Variants in CHIT1 observed in about 807,000 individuals in gnomAD.
The protein encoded by CHIT1 is chitotriosidase-1.
A neutral mutation model predicts 52.0 loss-of-function variants in CHIT1; 47 were observed. That is an observed-to-expected ratio of 0.90 (90% confidence interval 0.71 to 1.15). The LOEUF (loss-of-function observed/expected upper bound fraction) is 1.15, where lower values mean the gene tolerates loss of function less well. Among genes scored for constraint, CHIT1 ranks in the 50% most tolerant of loss-of-function variants. The probability of loss-of-function intolerance (pLI) is 0.00; values close to 1 mark genes in which losing one functional copy is unlikely to be tolerated. For missense variants in CHIT1, 569 were observed against 583.0 expected (o/e 0.98, Z 0.25); for synonymous variants, 242 against 228.2 (o/e 1.06, Z -0.54).
chr1:203,221,386 C>A (rs953235525), intron 7 of CHIT1, among the ~76,000 whole-genome samples: 2 of 152,068 alleles, frequency 1.3e-5, no homozygotes, highest in Non-Finnish European at 2.9e-5. Flanking sequence ...ATAATTCCAA[C>A]ACTTTGGGAG....
chr1:203,229,783 G>T, upstream of CHIT1: 1 of 913,254 alleles, frequency 1.1e-6, no homozygotes, highest in Non-Finnish European at 1.8e-6. Context: ...GTGGGGAGGG[G>T]TAAGATGTCA....
intron 7 of CHIT1, 43 bp downstream of exon 7, chr1:203,222,159 G>C: frequency 1.9e-6 from 3 of 1,612,346 alleles, no homozygotes; most frequent in Non-Finnish European, 2.5e-6. Flanking sequence ...AACAGGGCCT[G>C]CTGGACAGGG....
intron 9 of CHIT1, among the ~76,000 whole-genome samples, chr1:203,218,456 C>G (rs1057514579): frequency 6.6e-6 from 1 of 152,146 alleles, no homozygotes; most frequent in Non-Finnish European, 1.5e-5. Flanking sequence ...CCCCAGCCTC[C>G]CTTTCAGCTA....
chr1:203,223,656 T>C lies in CHIT1; in HGVS notation c.319A>G (p.Thr107Ala), dbSNP rs746693312. 1 of 1,614,142 alleles carries C rather than the reference T, an allele frequency of 6.2e-7. No homozygotes were observed. The highest frequency in any genetic ancestry group is 1.1e-5 in the South Asian group (1 of 91,084). The change falls in exon 5 of 11, where the codon ACA becomes GCA. Residue 107 changes from threonine (T) to alanine (A), a missense_variant. By Grantham distance (58) the Thr-to-Ala change is moderately conservative. Coordinates refer to ENST00000367229, the MANE Select transcript of CHIT1 (RefSeq NM_003465.3). Reference sequence around the variant, plus strand: ...TTGTTGGCCGTGGCTACCATATCTGTGAACCTGTGAGGTGATGAAGGGGAG... The same window carrying C: ...TTGTTGGCCGTGGCTACCATATCTGCGAACCTGTGAGGTGATGAAGGGGAG... ...GGWNFGTQKFTDMVATANNRQ... is the reference protein window; with the variant it reads ...GGWNFGTQKFADMVATANNRQ...
At chr1:203,223,948 C>T (rs954675366) in intron 4 of CHIT1, among the ~76,000 whole-genome samples, 1 of 152,170 alleles carries the variant, frequency 6.6e-6, no homozygotes, top group Non-Finnish European at 1.5e-5. Flanking sequence ...AGGCTTCCTC[C>T]AAGCCCTTGA....
chr1:203,220,988 ATTTC>A (rs1024713687), intron 7 of CHIT1, among the ~76,000 whole-genome samples: 4 of 152,140 alleles, frequency 2.6e-5, no homozygotes, highest in African/African-American at 9.7e-5. Context: ...TCTCAGCTAA[ATTTC>A]TTTCTGTGTC....
intron 8 of CHIT1, 132 bp downstream of exon 8, chr1:203,219,532 A>C: frequency 8.7e-7 from 1 of 1,155,324 alleles, no homozygotes; most frequent in Non-Finnish European, 1.3e-6. Context: ...GGCATGGATG[A>C]GATGGAATTT....
chr1:203,225,972 C>T, intron 2 of CHIT1, 102 bp from the exon 3 acceptor site: 1 of 1,250,780 alleles, frequency 8.0e-7, no homozygotes, highest in East Asian at 2.5e-5. Flanking sequence ...CCTCCCTCTT[C>T]TACACCTGGA....
At chr1:203,220,839 G>T (rs936562944) in intron 7 of CHIT1, among the ~76,000 whole-genome samples, 10 of 152,184 alleles carry the variant, frequency 6.6e-5, no homozygotes, top group Non-Finnish European at 1.2e-4. Flanking sequence ...TCACCCATCT[G>T]GTTAGAACCT....
chr1:203,216,751 G>A lies in CHIT1; in HGVS notation c.*138C>T. 2.6e-6 allele frequency: 3 copies of A among 1,166,536 alleles called. No individual in the cohort carries two copies. Among genetic ancestry groups the A allele is most frequent in the Non-Finnish European group, 3.8e-6 (3 of 788,184 alleles). 72.3% of individuals were successfully genotyped at this position (1,166,536 alleles called of 1,614,324 possible). A position where few individuals can be genotyped will look rare whatever the true frequency, so the allele number is the denominator to read the frequency against. ...AGAAAAAAGGAAGGCAAGGCTGAGAGCAGAAAGCCTGGATAAAGGAAGACC... is the reference window on the plus strand; with the variant it reads ...AGAAAAAAGGAAGGCAAGGCTGAGAACAGAAAGCCTGGATAAAGGAAGACC... On this transcript the variant is annotated 3_prime_UTR_variant, in exon 11 of 11. Transcript: ENST00000367229.
At chr1:203,221,926 C>T (rs893899198) in intron 7 of CHIT1, among the ~76,000 whole-genome samples, 20 of 152,106 alleles carry the variant, frequency 1.3e-4, no homozygotes, top group Admixed American at 2.6e-4. Flanking sequence ...GAGACTCAAG[C>T]TCAAAGTGGG....
rs768132814 is a variant in CHIT1 at position 203,223,565 on chromosome 1, A to C, written c.410T>G (p.Leu137Arg). 1.2e-6 allele frequency: 2 copies of C among 1,614,210 alleles called. No homozygotes were observed. Among genetic ancestry groups the C allele is most frequent in the Non-Finnish European group, 1.7e-6 (2 of 1,180,036 alleles). Residue 137 changes from leucine (L) to arginine (R), a missense_variant, in exon 5 of 11, where the codon CTT becomes CGT. Physicochemically the swap from Leu to Arg is moderately radical, Grantham distance 102. Coordinates refer to ENST00000367229, the MANE Select transcript of CHIT1 (RefSeq NM_003465.3). ...LRKYSFDGLD[L>R]DWEYPGSQGS... Reference sequence around the variant, plus strand: ...CTGGCTTCCTGGGTACTCCCAGTCAAGGTCAAGGCCGTCAAAGCTGTATTT... The same window carrying C: ...CTGGCTTCCTGGGTACTCCCAGTCACGGTCAAGGCCGTCAAAGCTGTATTT...
At position 203,225,857 on chromosome 1, in the gene CHIT1, T is replaced by A; in HGVS notation, c.69A>T (p.Lys23Asn). Reference protein sequence around the residue: ...LLMIPWGSAAKLVCYFTNWAQ... With the variant: ...LLMIPWGSAANLVCYFTNWAQ... ...CCCAGTTGGTGAAGTAGCAGACCAG[T>A]TTTGCAGCAGAGCCTGGCCCGTTGG... The change falls in exon 3 of 11, where the codon AAA becomes AAT. Residue 23 changes from lysine (K) to asparagine (N), a missense_variant. Transcript: ENST00000367229. 1 of 1,614,064 alleles carries A rather than the reference T, an allele frequency of 6.2e-7. No individual in the cohort carries two copies. The highest frequency in any genetic ancestry group is 1.1e-5 in the South Asian group (1 of 91,082).
intron 2 of CHIT1, among the ~76,000 whole-genome samples, chr1:203,227,004 G>T (rs996082257): frequency 2.0e-5 from 3 of 152,168 alleles, no homozygotes; most frequent in African/African-American, 7.2e-5. Context: ...GGACTGGAGC[G>T]TGCCTGTGGC....
chr1:203,222,738 C>T (rs2486067), intron 6 of CHIT1, among the ~76,000 whole-genome samples: 26,714 of 152,128 alleles, frequency 0.18, 3,074 homozygotes, highest in East Asian at 0.55. Flanking sequence ...GTCCATAATT[C>T]TAATGAGCAC....
rs768714545 is a variant in CHIT1 at position 203,222,343 on chromosome 1, G to C, written c.606-18C>G. Reference sequence around the variant, plus strand: ...CCAGGTTCCTGCAGGAGGCATGGAAGAGGAGGTGAGAAACAAGGGATTGGG... The same window carrying C: ...CCAGGTTCCTGCAGGAGGCATGGAACAGGAGGTGAGAAACAAGGGATTGGG... On this transcript the variant is annotated intron_variant, in intron 6 of 10. Coordinates refer to ENST00000367229, the MANE Select transcript of CHIT1 (RefSeq NM_003465.3). 6.2e-7 allele frequency: 1 copy of C among 1,614,178 alleles called. No homozygotes were observed. Among genetic ancestry groups the C allele is most frequent in the Non-Finnish European group, 8.5e-7 (1 of 1,180,016 alleles).
chr1:203,225,028 G>A lies in CHIT1; in HGVS notation c.314+20C>T, dbSNP rs1656872232. On this transcript the variant is annotated intron_variant, in intron 4 of 10. Coordinates refer to ENST00000367229, the MANE Select transcript of CHIT1 (RefSeq NM_003465.3). ...TCCCATCCAGGAGCTTTACCACACAGGTGACCACAGTCAACTAACTTCTGA... is the reference window on the plus strand; with the variant it reads ...TCCCATCCAGGAGCTTTACCACACAAGTGACCACAGTCAACTAACTTCTGA... 4 of 1,611,738 alleles carry A rather than the reference G, an allele frequency of 2.5e-6. No homozygotes were observed. The highest frequency in any genetic ancestry group is 1.7e-5 in the Admixed American group (1 of 59,994).
intron 7 of CHIT1, among the ~76,000 whole-genome samples, chr1:203,221,010 C>A (rs1405411832): frequency 6.6e-6 from 1 of 152,206 alleles, no homozygotes; most frequent in Non-Finnish European, 1.5e-5. Context: ...GTCTCCCCAC[C>A]AGCACAGGGA....
chr1:203,223,770 CT>C, intron 4 of CHIT1, 110 bp from the exon 5 acceptor site: 1 of 1,132,706 alleles, frequency 8.8e-7, no homozygotes, highest in African/African-American at 1.5e-5. Flanking sequence ...TGTGTCTGGG[CT>C]AGGAGGGGCA....
Sources: allele counts gnomAD v4.1 joint callset (sites outside exome capture counted in the v4.1 genomes callset), GRCh38; gene constraint gnomAD v4.1.1; transcripts MANE v1.5; gene names NCBI Gene and HGNC (gene_info 2026-07-23, HGNC 2026-07-21).